HERC1: variants seen among roughly 807,000 people sequenced by gnomAD.
HERC1 encodes HECT and RLD domain containing E3 ubiquitin protein ligase family member 1.
HERC1 carries 160 observed loss-of-function variants against 554.3 expected under a neutral mutation model. The ratio of observed to expected loss-of-function variants is 0.29; its 90% CI spans 0.25 to 0.33. HERC1 has a LOEUF of 0.33. HERC1 is among the 10% of genes least tolerant of loss of function. The pLI is 1.00. For missense variants in HERC1, 4,919 were observed against 5,918.5 expected (o/e 0.83, Z 5.54); for synonymous variants, 2,175 against 2,131.7 (o/e 1.02, Z -0.56).
At chr15:63,725,196 G>A in intron 18 of HERC1, 96 bp downstream of exon 18, 1 of 1,054,244 alleles carries the variant, frequency 9.5e-7, no homozygotes, top group Non-Finnish European at 1.4e-6. Context: ...TGCAATTGGT[G>A]CCTGTCAGTT....
intron 1 of HERC1, among the ~76,000 whole-genome samples, chr15:63,803,273 G>A (rs544527295): frequency 9.8e-5 from 15 of 152,286 alleles, no homozygotes; most frequent in Admixed American, 5.9e-4. Context: ...GAAGGGAAGT[G>A]GAGGTACAGA....
intron 12 of HERC1, among the ~76,000 whole-genome samples, chr15:63,738,732 C>A (rs2141262481): frequency 6.6e-6 from 1 of 152,296 alleles, no homozygotes; most frequent in African/African-American, 2.4e-5. Context: ...CATCCTGGAA[C>A]AATCTATCTC....
rs2075305508 is a variant in HERC1, at chr15:63,753,088, A to G, written c.1775-3T>C. Reference sequence around the variant, plus strand: ...GGTATCACCATGACCAAGTTTACCTATAAAAACAAACACATTAAACAATTT... The same window carrying G: ...GGTATCACCATGACCAAGTTTACCTGTAAAAACAAACACATTAAACAATTT... On this transcript the variant is annotated splice_polypyrimidine_tract_variant and splice_region_variant and intron_variant, in intron 7 of 77. Coordinates refer to ENST00000443617, the MANE Select transcript of HERC1 (RefSeq NM_003922.4). 6.3e-7 allele frequency: 1 copy of G among 1,586,612 alleles called. No homozygotes were observed. Among genetic ancestry groups the G allele is most frequent in the African/African-American group, 1.4e-5 (1 of 73,894 alleles).
rs777665891 is a variant in HERC1, at chr15:63,747,793, C to T, written c.2285G>A (p.Arg762His). ...ATCACAGTATCTCTCAAGAAAAGAA[C>T]GCAGGTGTGAGAAGGTACTCTCTTC... is the stretch of plus-strand genomic sequence containing the variant. ...DLEESTFSHL[R>H]SFLERYCDKI... The change falls in exon 11 of 78, where the codon CGT becomes CAT. Residue 762 changes from arginine to histidine, a missense_variant. Physicochemically the swap from Arg to His is conservative, Grantham distance 29 (BLOSUM62 0). Around this residue, in one of 11 missense-constraint regions of HERC1, gnomAD observed 744 missense variants for 1,090.0 expected, o/e 0.68. Transcript: ENST00000443617. The T allele has an allele frequency of 4.5e-6, 7 of 1,549,672 alleles. No individual in the cohort carries two copies. The highest frequency in any genetic ancestry group is 4.9e-5 in the East Asian group (2 of 40,894).
intron 1 of HERC1, among the ~76,000 whole-genome samples, chr15:63,790,612 A>C (rs2076617777): frequency 8.9e-6 from 1 of 112,540 alleles, no homozygotes; most frequent in African/African-American, 3.1e-5. Context: ...GTACTTTTTA[A>C]ATACTAGAAT....
chr15:63,775,717 T>C lies in HERC1; in HGVS notation c.-26-68A>G, dbSNP rs568149231. ...CTCATAAAATGTTTCCAAAATTTCA[T>C]CTTACATTACAATTAATGATTTCAA... is the stretch of plus-strand genomic sequence containing the variant. On this transcript the variant is annotated intron_variant, in intron 1 of 77. Coordinates refer to ENST00000443617, the MANE Select transcript of HERC1 (RefSeq NM_003922.4). This position sits in a 1 kb window ranked among gnomAD's most constrained non-coding sequence, Gnocchi z 4.0. 7 of 1,046,818 alleles carry C rather than the reference T, an allele frequency of 6.7e-6. No homozygotes were observed. Among genetic ancestry groups the C allele is most frequent in the Admixed American group, 4.9e-5 (2 of 41,148 alleles). 64.8% of individuals were successfully genotyped at this position (1,046,818 alleles called of 1,614,324 possible).
rs1277571761 is a variant in HERC1, at chr15:63,744,937, C to T, written c.2520+1981G>A. Among the ~76,000 whole-genome samples, 3 of 152,182 alleles carry T rather than the reference C, an allele frequency of 2.0e-5. No homozygotes were observed. The East Asian group carries it at 5.8e-4, about 29-fold the overall frequency. On this transcript the variant is annotated intron_variant, in intron 12 of 77. Coordinates refer to ENST00000443617, the MANE Select transcript of HERC1 (RefSeq NM_003922.4). ...CAGCTGGGTATCAATGCTGGTTATT[C>T]ACAGCCCATGGGCTCTTCGGTTAGC...
chr15:63,620,380 CT>C (rs1226341500), intron 74 of HERC1, among the ~76,000 whole-genome samples: 1 of 151,888 alleles, frequency 6.6e-6, no homozygotes, highest in Non-Finnish European at 1.5e-5. Context: ...AATTTCTGTT[CT>C]TTTACATTTG....
rs1596075913 is a variant in HERC1 at position 63,725,348 on chromosome 15, T to C, written c.3512A>G (p.Tyr1171Cys). 1.9e-6 allele frequency: 3 copies of C among 1,613,928 alleles called. No individual in the cohort carries two copies. Among genetic ancestry groups the C allele is most frequent in the South Asian group, 1.1e-5 (1 of 91,062 alleles). The change falls in exon 18 of 78, where the codon TAT becomes TGT. Residue 1171 changes from tyrosine (Y) to cysteine (C), a missense_variant. Around this residue, in one of 11 missense-constraint regions of HERC1, gnomAD observed 1,121 missense variants for 1,244.0 expected, o/e 0.90. Coordinates refer to ENST00000443617, the MANE Select transcript of HERC1 (RefSeq NM_003922.4). ...PVSPEEQDTA[Y>C]WMKTPLFSDG... is the part of the protein sequence containing the mutation. Reference sequence around the variant, plus strand: ...ACTGAACAGTGGCGTTTTCATCCAATATGCAGTGTCCTGTTCCTCTGGAGA... The same window carrying C: ...ACTGAACAGTGGCGTTTTCATCCAACATGCAGTGTCCTGTTCCTCTGGAGA...
chr15:63,613,583 T>C (rs1310988739), intron 76 of HERC1, among the ~76,000 whole-genome samples: 2 of 152,176 alleles, frequency 1.3e-5, no homozygotes, highest in Non-Finnish European at 1.5e-5. Flanking sequence ...GTTAATTTGC[T>C]TCACTATAAT....
intron 25 of HERC1, among the ~76,000 whole-genome samples, chr15:63,701,388 T>C (rs1474091042): frequency 6.6e-6 from 1 of 152,188 alleles, no homozygotes; most frequent in Non-Finnish European, 1.5e-5. Context: ...AAATATTCTA[T>C]GGAATGGCTG....
At chr15:63,752,174 A>C (rs2075271773) in intron 8 of HERC1, among the ~76,000 whole-genome samples, 1 of 152,226 alleles carries the variant, frequency 6.6e-6, no homozygotes, top group African/African-American at 2.4e-5. Context: ...AAGGCATTCT[A>C]GTTTCTCAGT....
At chr15:63,730,336 C>G (rs546399405) in intron 14 of HERC1, among the ~76,000 whole-genome samples, 373 of 151,798 alleles carry the variant, frequency 2.5e-3, no homozygotes, top group Non-Finnish European at 4.0e-3. Context: ...GTGCACACCT[C>G]TAGTCCCAGC....
At chr15:63,690,046 C>T (rs185868959) in intron 32 of HERC1, among the ~76,000 whole-genome samples, 2 of 151,950 alleles carry the variant, frequency 1.3e-5, no homozygotes, top group East Asian at 3.9e-4. Context: ...TGCCTATAGT[C>T]CCAGCTACTT....
rs576429661 is a variant in HERC1, at chr15:63,628,713, C to T, written c.13069G>A (p.Ala4357Thr). The T allele has an allele frequency of 8.7e-6, 14 of 1,613,858 alleles. No individual in the cohort carries two copies. In the African/African-American group the frequency reaches 1.9e-4, roughly 22 times the overall value. ...GGTGGGACAGGTGGTGCTGTCCATG[C>T]AGCACTGTGGCAGCGGCCAGCCGAG... Reference protein sequence around the residue: ...QISAGRCHSAAWTAPPVPPRA... With the variant: ...QISAGRCHSATWTAPPVPPRA... The change falls in exon 70 of 78, where the codon GCA becomes ACA. Residue 4357 changes from alanine to threonine, a missense_variant. Coordinates refer to ENST00000443617, the MANE Select transcript of HERC1 (RefSeq NM_003922.4).
rs181949481 is a variant in HERC1 at position 63,694,603 on chromosome 15, T to C, written c.5243-54A>G. Reference sequence around the variant, plus strand: ...TTCCTTTCAGTAAACAAAGCATTTATTAAAATGAATAATTTTCTAAAATAT... The same window carrying C: ...TTCCTTTCAGTAAACAAAGCATTTACTAAAATGAATAATTTTCTAAAATAT... On this transcript the variant is annotated intron_variant, in intron 28 of 77. Transcript: ENST00000443617. This position sits in a 1 kb window ranked among gnomAD's most constrained non-coding sequence, Gnocchi z 4.3. 1.1e-4 allele frequency: 158 copies of C among 1,494,910 alleles called. No individual in the cohort carries two copies. The highest frequency in any genetic ancestry group is 2.1e-4 in the East Asian group (9 of 43,036). 92.6% of individuals were successfully genotyped at this position (1,494,910 alleles called of 1,614,324 possible). A position where few individuals can be genotyped will look rare whatever the true frequency, so the allele number is the denominator to read the frequency against.
intron 21 of HERC1, 33 bp from the exon 22 acceptor site, chr15:63,716,506 C>T: frequency 6.6e-7 from 1 of 1,509,762 alleles, no homozygotes; most frequent in Non-Finnish European, 8.9e-7. Flanking sequence ...ACACTAAATA[C>T]ATTTTTTCCA....
At chr15:63,743,513 T>C (rs550143655) in intron 12 of HERC1, among the ~76,000 whole-genome samples, 3 of 152,274 alleles carry the variant, frequency 2.0e-5, no homozygotes, top group African/African-American at 7.2e-5. Flanking sequence ...TCCACCCACC[T>C]TGGCCTCCAA....
intron 67 of HERC1, among the ~76,000 whole-genome samples, chr15:63,633,160 A>G (rs1259496028): frequency 6.6e-6 from 1 of 152,236 alleles, no homozygotes; most frequent in Admixed American, 6.5e-5. Flanking sequence ...ATGGGCGACA[A>G]TAACTGCTTT....
Sources: gnomAD v4.1 joint callset for allele counts (sites outside exome capture counted in the v4.1 genomes callset) on GRCh38, gnomAD v4.1.1 for gene constraint, gnomAD v4.1.1 regional missense constraint, Gnocchi (gnomAD v3.1) non-coding constraint, MANE v1.5 for transcripts, NCBI Gene and HGNC (gene_info 2026-07-23, HGNC 2026-07-21) for gene names.